The following LRRC43 variants were observed in gnomAD, a reference collection of about 807,000 sequenced individuals.
LRRC43 encodes leucine-rich repeat-containing protein 43.
A neutral mutation model predicts 64.3 loss-of-function variants in LRRC43; 62 were observed. The observed-to-expected ratio is 0.96, with a 90% CI of 0.79 to 1.19. The LOEUF (loss-of-function observed/expected upper bound fraction) is 1.19, where lower values mean the gene tolerates loss of function less well. LRRC43 is among the 50% of genes most tolerant of loss of function. The pLI, the probability that LRRC43 is intolerant of heterozygous loss-of-function variation, is 0.00. For synonymous variants in LRRC43, 422 were observed against 382.3 expected (o/e 1.10, Z -1.21); for missense variants, 868 against 845.0 (o/e 1.03, Z -0.34).
At chr12:122,180,805 T>C (rs775817233), upstream of LRRC43, among the ~76,000 whole-genome samples, 1 of 152,214 alleles carries the variant, frequency 6.6e-6, no homozygotes, top group Non-Finnish European at 1.5e-5. Context: ...CCCCTCTCAG[T>C]CTTCTCTTCC....
At chr12:122,183,002 G>C, upstream of LRRC43, 3 of 1,306,844 alleles carry the variant, frequency 2.3e-6, no homozygotes, top group Non-Finnish European at 3.0e-6. Flanking sequence ...ATAGATGAGG[G>C]CAGAAGAGAA....
chr12:122,190,718 C>G (rs1040763475), intron 5 of LRRC43, among the ~76,000 whole-genome samples: 2 of 152,138 alleles, frequency 1.3e-5, no homozygotes, highest in African/African-American at 4.8e-5. Context: ...CAAAAATTAG[C>G]CAGGCATGGT....
chr12:122,186,916 C>T (rs1953651697), intron 3 of LRRC43, among the ~76,000 whole-genome samples: 1 of 151,314 alleles, frequency 6.6e-6, no homozygotes, highest in Non-Finnish European at 1.5e-5. Flanking sequence ...GACTCCATCT[C>T]AAAGTGGTCT....
At chr12:122,191,663 T>TC in intron 6 of LRRC43, 96 bp downstream of exon 6, 1 of 987,670 alleles carries the variant, frequency 1.0e-6, no homozygotes, top group Non-Finnish European at 1.4e-6. Context: ...AATTAATTAA[T>TC]TTATTTATTG....
Position 122,190,305 on chromosome 12 carries a change from C to G in LRRC43, c.838C>G (p.Leu280Val), listed in dbSNP as rs764397269. 2 of 1,614,184 alleles carry G rather than the reference C, an allele frequency of 1.2e-6. No individual in the cohort carries two copies. The highest frequency in any genetic ancestry group is 1.7e-6 in the Non-Finnish European group (2 of 1,180,030). Reference sequence around the variant, plus strand: ...CGACAGCCTGGCCCAGCTCTGCGTGCTGGACGACATCACCGTGTCTCCCAA... The same window carrying G: ...CGACAGCCTGGCCCAGCTCTGCGTGGTGGACGACATCACCGTGTCTCCCAA... ...TIDSLAQLCV[L>V]DDITVSPNEK... Residue 280 changes from leucine to valine, a missense_variant, in exon 5 of 12, where the codon CTG (leucine) becomes GTG (valine). Physicochemically the swap from Leu to Val is conservative, Grantham distance 32. Coordinates refer to ENST00000339777, the MANE Select transcript of LRRC43 (RefSeq NM_001098519.2).
chr12:122,192,654 A>C, intron 6 of LRRC43, 91 bp from the exon 7 acceptor site: 1 of 1,454,632 alleles, frequency 6.9e-7, no homozygotes, highest in East Asian at 2.3e-5. Flanking sequence ...CCTCATCCAG[A>C]TGTCGGGAGC....
In LRRC43 at chr12:122,201,145, T is replaced by G. The variant is rs755987071; in HGVS notation, c.1810-151T>G. The G allele has an allele frequency of 2.3e-4, 237 of 1,010,620 alleles. 1 individual carries two copies. The highest frequency in any genetic ancestry group is 3.1e-4 in the Non-Finnish European group (210 of 666,800). The allele number at this position is 1,010,620 out of a possible 1,614,324, so 62.6% of individuals were successfully genotyped here. On this transcript the variant is annotated intron_variant, in intron 10 of 11. Transcript: ENST00000339777. ...TTTGGCCCAGTCAGCAGCCTTCCCT[T>G]TGGGGATGGGCTGGGGCAGCCACCC...
At chr12:122,187,552 T>G in intron 3 of LRRC43, 149 bp from the exon 4 acceptor site, 1 of 597,158 alleles carries the variant, frequency 1.7e-6, no homozygotes, top group Non-Finnish European at 2.8e-6. Context: ...TTCCTGGGTT[T>G]TTAAAAGGGA....
chr12:122,192,992 G>A lies in LRRC43; in HGVS notation c.1337G>A (p.Cys446Tyr). The change falls in exon 7 of 12, where the codon TGC (cysteine) becomes TAC (tyrosine). Residue 446 changes from cysteine to tyrosine, a missense_variant. Cys to Tyr is a radical substitution (Grantham distance 194). Coordinates refer to ENST00000339777, the MANE Select transcript of LRRC43 (RefSeq NM_001098519.2). ...KLRLRIDPRL[C>Y]PSPGTVLFST... is the part of the protein sequence containing the mutation. ...AGGCTGCGTATAGATCCCCGGCTCT[G>A]CCCGTCCCCAGGGTAAGGATGGAAA... The A allele has an allele frequency of 1.9e-6, 3 of 1,613,608 alleles. No individual in the cohort carries two copies. Among genetic ancestry groups the A allele is most frequent in the Middle Eastern group, 1.7e-4 (1 of 5,956 alleles).
intron 7 of LRRC43, among the ~76,000 whole-genome samples, chr12:122,195,095 A>T (rs1294041386): frequency 1.3e-5 from 2 of 151,936 alleles, no homozygotes; most frequent in East Asian, 3.9e-4. Context: ...ACTTCTTTTC[A>T]TGTTTCGTGT....
chr12:122,201,637 C>T (rs1362311440), intron 11 of LRRC43, among the ~76,000 whole-genome samples: 4 of 152,190 alleles, frequency 2.6e-5, no homozygotes, highest in South Asian at 2.1e-4. Context: ...TTCAGGCCAT[C>T]GGCCCTTATT....
intron 4 of LRRC43, chr12:122,189,571 C>A: frequency 2.2e-6 from 1 of 446,662 alleles, no homozygotes; most frequent in Non-Finnish European, 4.5e-6. Flanking sequence ...GGCCTTGGCC[C>A]GTGCTCTTTG....
At chr12:122,172,363 CT>C in intron 1 of LRRC43, 1 of 1,372,208 alleles carries the variant, frequency 7.3e-7, no homozygotes, top group Non-Finnish European at 1.0e-6. Flanking sequence ...TGTCGGTCAT[CT>C]TTTTAAGGCT....
chr12:122,200,895 G>C lies in LRRC43; in HGVS notation c.1770G>C (p.Val590=). The C allele has an allele frequency of 6.2e-7, 1 of 1,611,388 alleles. No individual in the cohort carries two copies. Among genetic ancestry groups the C allele is most frequent in the African/African-American group, 1.3e-5 (1 of 75,010 alleles). Residue 590 remains valine, a synonymous_variant, in exon 10 of 12, where the codon GTG becomes GTC. Transcript: ENST00000339777. The surrounding 1 kb of genome is among the most constrained non-coding windows in gnomAD (Gnocchi z 4.6). Reference sequence around the variant, plus strand: ...TGTCCACCGTGTGCAACTTCGGCGTGGTCCGCACATTGACATCTGACAGGC... The same window carrying C: ...TGTCCACCGTGTGCAACTTCGGCGTCGTCCGCACATTGACATCTGACAGGC... ...PLVSTVCNFG[V]VRTLTSDRLT...
At chr12:122,168,158 AG>A (rs1953456374) in intron 1 of LRRC43, among the ~76,000 whole-genome samples, 2 of 148,762 alleles carry the variant, frequency 1.3e-5, no homozygotes, top group Non-Finnish European at 3.0e-5. Flanking sequence ...AGAAGTGGGA[AG>A]GCCGGGTGTG....
At chr12:122,202,285 C>T (rs1953850494) in intron 11 of LRRC43, 1 of 151,844 alleles carries the variant, frequency 6.6e-6, no homozygotes, top group African/African-American at 2.4e-5. Flanking sequence ...CAGTCAACTG[C>T]TTGCAATATG....
intron 1 of LRRC43, among the ~76,000 whole-genome samples, chr12:122,177,680 T>A (rs1408156950): frequency 6.6e-6 from 1 of 151,958 alleles, no homozygotes; most frequent in Non-Finnish European, 1.5e-5. Flanking sequence ...AATTTTTCTA[T>A]TTTTTGTAGC....
At chr12:122,196,463 A>T (rs59731700) in intron 7 of LRRC43, among the ~76,000 whole-genome samples, 7,557 of 152,192 alleles carry the variant, frequency 0.05, 586 homozygotes, top group African/African-American at 0.17. Flanking sequence ...AACAAATCAG[A>T]TGGAAAATGG....
Position 122,192,672 on chromosome 12 carries a change from C to T in LRRC43, c.1090-73C>T, listed in dbSNP as rs114118775. 3,530 of 1,549,870 alleles carry T rather than the reference C, an allele frequency of 2.3e-3. 72 individuals carry two copies. In the African/African-American group the frequency reaches 0.042, roughly 18 times the overall value. On this transcript the variant is annotated intron_variant, in intron 6 of 11. Transcript: ENST00000339777. ...CATCCAGATGTCGGGAGCTGTGTTACAGACACCCCCGGCATCAGCTGAGCA... is the reference window on the plus strand; with the variant it reads ...CATCCAGATGTCGGGAGCTGTGTTATAGACACCCCCGGCATCAGCTGAGCA...
Sources: allele counts gnomAD v4.1 joint callset (sites outside exome capture counted in the v4.1 genomes callset), GRCh38; gene constraint gnomAD v4.1.1; non-coding constraint Gnocchi (gnomAD v3.1); transcripts MANE v1.5; gene names NCBI Gene and HGNC (gene_info 2026-07-23, HGNC 2026-07-21).